ATG7: variants seen among roughly 807,000 people sequenced by gnomAD.
ATG7 encodes the protein ubiquitin-like modifier-activating enzyme ATG7.
In ATG7, 70 loss-of-function variants were observed where a neutral mutation model predicts 82.4. The ratio of observed to expected loss-of-function variants is 0.85; its 90% CI spans 0.70 to 1.04. The LOEUF (loss-of-function observed/expected upper bound fraction) is 1.04, where lower values mean the gene tolerates loss of function less well. Among genes scored for constraint, ATG7 ranks in the 50% least tolerant of loss-of-function variants. ATG7 has a pLI of 0.00. For missense variants in ATG7, 792 were observed against 864.3 expected, an observed-to-expected ratio of 0.92 and a Z score of 1.05; for synonymous variants, 287 against 313.0, an observed-to-expected ratio of 0.92 and a Z score of 0.88.
intron 20 of ATG7, among the ~76,000 whole-genome samples, chr3:11,450,247 C>A (rs1485170066): frequency 6.6e-6 from 1 of 152,142 alleles, no homozygotes; most frequent in Non-Finnish European, 1.5e-5. Flanking sequence ...TCGTTTGGCT[C>A]CAGAGCCTGT....
At chr3:11,511,659 G>A (rs557086664) in intron 20 of ATG7, among the ~76,000 whole-genome samples, 37 of 152,330 alleles carry the variant, frequency 2.4e-4, no homozygotes, top group Non-Finnish European at 5.1e-4. Flanking sequence ...GGTGCTCGTC[G>A]GGGAGGCTCC....
intron 20 of ATG7, among the ~76,000 whole-genome samples, chr3:11,526,236 C>G (rs1263824081): frequency 6.6e-6 from 1 of 151,926 alleles, no homozygotes; most frequent in African/African-American, 2.4e-5. Context: ...ACAAAAAATA[C>G]AAAAATTAGC....
intron 9 of ATG7, among the ~76,000 whole-genome samples, chr3:11,324,757 T>C (rs1214531054): frequency 6.6e-6 from 1 of 152,238 alleles, no homozygotes; most frequent in Non-Finnish European, 1.5e-5. Flanking sequence ...TTCTAGTTTA[T>C]ATAATTTAGA....
intron 19 of ATG7, among the ~76,000 whole-genome samples, chr3:11,422,362 C>T (rs749233229): frequency 4.6e-5 from 7 of 152,228 alleles, no homozygotes; most frequent in African/African-American, 1.2e-4. Context: ...CTTGCTGCTT[C>T]GCCTCTCACT....
intron 20 of ATG7, among the ~76,000 whole-genome samples, chr3:11,531,443 CCT>C (rs995376645): frequency 2.0e-5 from 3 of 152,204 alleles, no homozygotes; most frequent in South Asian, 2.1e-4. Context: ...CCCACCACCC[CCT>C]GTGTGCCAGT....
At chr3:11,526,397 A>C (rs1398655846) in intron 20 of ATG7, among the ~76,000 whole-genome samples, 1 of 152,176 alleles carries the variant, frequency 6.6e-6, no homozygotes, top group Non-Finnish European at 1.5e-5. Flanking sequence ...AGTCTCAAAA[A>C]CAACAAAAAA....
chr3:11,293,668 C>T (rs915807760), intron 3 of ATG7, among the ~76,000 whole-genome samples: 3 of 151,190 alleles, frequency 2.0e-5, no homozygotes, highest in South Asian at 2.1e-4. Flanking sequence ...ACCAATGTAG[C>T]GAAACCTGTC....
chr3:11,360,271 C>G (rs2076205446), intron 15 of ATG7, among the ~76,000 whole-genome samples: 1 of 152,200 alleles, frequency 6.6e-6, no homozygotes, highest in Non-Finnish European at 1.5e-5. Context: ...GTCTCGAACT[C>G]CTGACCTCAG....
intron 19 of ATG7, among the ~76,000 whole-genome samples, chr3:11,391,610 C>G (rs2078806485): frequency 6.6e-6 from 1 of 152,182 alleles, no homozygotes; most frequent in African/African-American, 2.4e-5. Flanking sequence ...TTCTTGGAAG[C>G]CTTTTTACAG....
chr3:11,446,712 G>A (rs577382165), intron 20 of ATG7: 11 of 239,924 alleles, frequency 4.6e-5, no homozygotes, highest in Non-Finnish European at 7.5e-5. Flanking sequence ...CACTGCCAGG[G>A]ACTCAACCTC....
chr3:11,498,212 A>G (rs1269529533), intron 20 of ATG7, among the ~76,000 whole-genome samples: 1 of 152,212 alleles, frequency 6.6e-6, no homozygotes, highest in Admixed American at 6.5e-5. Context: ...TTGAGGCTGT[A>G]GTCTCCAAAC....
At chr3:11,521,393 A>G (rs914854554) in intron 20 of ATG7, among the ~76,000 whole-genome samples, 1 of 152,032 alleles carries the variant, frequency 6.6e-6, no homozygotes, top group Non-Finnish European at 1.5e-5. Flanking sequence ...AGGGAGGGGT[A>G]TGTGGTGGTG....
At chr3:11,451,822 G>C (rs1355901206) in intron 20 of ATG7, among the ~76,000 whole-genome samples, 1 of 147,054 alleles carries the variant, frequency 6.8e-6, no homozygotes, top group African/African-American at 2.5e-5. Flanking sequence ...ACCCCAGGCT[G>C]CCCTGTCTCT....
At chr3:11,298,575 A>C in intron 3 of ATG7, 111 bp from the exon 4 acceptor site, 1 of 1,050,174 alleles carries the variant, frequency 9.5e-7, no homozygotes, top group Non-Finnish European at 1.4e-6. Context: ...TAGCCTGTAA[A>C]CATCTCATTA....
At chr3:11,417,664 A>T (rs1391865970) in intron 19 of ATG7, among the ~76,000 whole-genome samples, 1 of 151,946 alleles carries the variant, frequency 6.6e-6, no homozygotes, top group African/African-American at 2.4e-5. Flanking sequence ...GATTATTGAT[A>T]TAATTGGATT....
Position 11,479,167 on chromosome 3 carries a change from T to A in ATG7, c.2079+52241T>A, listed in dbSNP as rs560331610. The stretch of plus-strand genomic sequence containing the variant: ...CATATGGACTTGATGCCAATTTTCT[T>A]TTCACATATATGAAATAACAGTTTG... On this transcript the variant is annotated intron_variant, in intron 20 of 20. Coordinates refer to ENST00000693202, the MANE Select transcript of ATG7 (RefSeq NM_001349232.2). 7.2e-5 allele frequency among the ~76,000 whole-genome samples: 11 copies of A among 152,312 alleles called. No individual in the cohort carries two copies. In the South Asian group the frequency reaches 2.3e-3, roughly 32 times the overall value.
At chr3:11,405,274 C>T (rs1324444868) in intron 19 of ATG7, among the ~76,000 whole-genome samples, 1 of 152,070 alleles carries the variant, frequency 6.6e-6, no homozygotes, top group Non-Finnish European at 1.5e-5. Context: ...CTAAACTCCA[C>T]CCCCACCCCC....
At chr3:11,288,341 T>C (rs1264305807) in intron 3 of ATG7, among the ~76,000 whole-genome samples, 1 of 152,232 alleles carries the variant, frequency 6.6e-6, no homozygotes, top group Admixed American at 6.5e-5. Flanking sequence ...AGAGCTATTA[T>C]TTCATTTCAA....
intron 20 of ATG7, among the ~76,000 whole-genome samples, chr3:11,554,225 G>A (rs1032625360): frequency 1.3e-5 from 2 of 150,728 alleles, no homozygotes; most frequent in African/African-American, 4.9e-5. Context: ...ACTGTGGCAG[G>A]ATCTGGCTGT....
Sources: allele counts gnomAD v4.1 joint callset (sites outside exome capture counted in the v4.1 genomes callset), GRCh38; gene constraint gnomAD v4.1.1; transcripts MANE v1.5; gene names NCBI Gene and HGNC (gene_info 2026-07-23, HGNC 2026-07-21).